The following BMPR1B variants were observed in gnomAD, a reference collection of about 807,000 sequenced individuals.
BMPR1B encodes the protein bone morphogenetic protein receptor type 1B.
Under a neutral mutation model 59.1 loss-of-function variants are expected in BMPR1B, and 12 were observed. That is an observed-to-expected ratio of 0.20 (90% confidence interval 0.13 to 0.33). The LOEUF (loss-of-function observed/expected upper bound fraction) is 0.33, where lower values mean the gene tolerates loss of function less well. Among genes scored for constraint, BMPR1B ranks in the 10% least tolerant of loss-of-function variants. BMPR1B has a pLI of 1.00. For missense variants in BMPR1B, 550 were observed against 610.9 expected (o/e 0.90, Z 1.05); for synonymous variants, 237 against 207.3 (o/e 1.14, Z -1.23).
intron 2 of BMPR1B, among the ~76,000 whole-genome samples, chr4:94,914,420 A>G (rs550251281): frequency 6.6e-6 from 1 of 152,288 alleles, no homozygotes; most frequent in East Asian, 1.9e-4. Flanking sequence ...ATAAACAAGG[A>G]TGAAAGAGTA....
chr4:94,868,882 G>C (rs1259634052), intron 1 of BMPR1B, among the ~76,000 whole-genome samples: 1 of 152,128 alleles, frequency 6.6e-6, no homozygotes, highest in Admixed American at 6.5e-5. Context: ...CTTGAATGTT[G>C]TAGCTTAATT....
At chr4:94,987,108 TA>T (rs1721462747) in intron 2 of BMPR1B, among the ~76,000 whole-genome samples, 1 of 143,830 alleles carries the variant, frequency 7.0e-6, no homozygotes, top group African/African-American at 2.6e-5. Flanking sequence ...ACTATATATG[TA>T]TATATAATAT....
At chr4:94,917,272 A>AG (rs1183007829) in intron 2 of BMPR1B, among the ~76,000 whole-genome samples, 1 of 152,184 alleles carries the variant, frequency 6.6e-6, no homozygotes, top group Non-Finnish European at 1.5e-5. Flanking sequence ...GACTGTAAGA[A>AG]GGGGGCTGCT....
At chr4:94,807,154 G>C (rs1723636209) in intron 1 of BMPR1B, among the ~76,000 whole-genome samples, 1 of 152,090 alleles carries the variant, frequency 6.6e-6, no homozygotes, top group Non-Finnish European at 1.5e-5. Context: ...GAGTGCAGTG[G>C]TGTGATCTCT....
intron 2 of BMPR1B, among the ~76,000 whole-genome samples, chr4:94,910,006 T>G (rs1728212224): frequency 6.6e-6 from 1 of 152,038 alleles, no homozygotes; most frequent in Non-Finnish European, 1.5e-5. Context: ...AGCTTTCTTG[T>G]AATATTTAAG....
rs199589534 is a variant in BMPR1B, at chr4:95,127,313, AAAAT to A, written c.585+2197_585+2200del. 4.7e-4 allele frequency among the ~76,000 whole-genome samples: 71 copies of A among 152,158 alleles called. 1 individual carries two copies. The East Asian group carries it at 6.9e-3, about 15-fold the overall frequency. On this transcript the variant is annotated intron_variant, in intron 8 of 12. Coordinates refer to ENST00000515059, the MANE Select transcript of BMPR1B (RefSeq NM_001203.3). ...ACATTTGCTAAATCAAATAAAAACTAAAATAAATCAGTTAAAAAATTTTGAAGTT... is the reference window on the plus strand; with the variant it reads ...ACATTTGCTAAATCAAATAAAAACTAAAATCAGTTAAAAAATTTTGAAGTT...
chr4:95,006,144 G>A (rs559275333), intron 3 of BMPR1B, among the ~76,000 whole-genome samples: 7 of 151,934 alleles, frequency 4.6e-5, no homozygotes, highest in East Asian at 3.9e-4. Context: ...GGTGGTAGGC[G>A]CCTGTAATCC....
rs1242288625 is a variant in BMPR1B at position 95,030,329 on chromosome 4, C to A, written c.-18+34195C>A. ...GGAAGGGATCCAGTTTCAGCTTTCTCCATATGGCTAGCCAGTTTTCCCAGC... is the reference window on the plus strand; with the variant it reads ...GGAAGGGATCCAGTTTCAGCTTTCTACATATGGCTAGCCAGTTTTCCCAGC... On this transcript the variant is annotated intron_variant, in intron 3 of 12. Coordinates refer to ENST00000515059, the MANE Select transcript of BMPR1B (RefSeq NM_001203.3). Among the ~76,000 whole-genome samples, 8 of 152,002 alleles carry A rather than the reference C, an allele frequency of 5.3e-5. No individual in the cohort carries two copies. The South Asian group carries it at 1.7e-3, about 32-fold the overall frequency.
Position 95,154,258 on chromosome 4 carries a change from G to T in BMPR1B, c.1384-290G>T, listed in dbSNP as rs552446490. Among the ~76,000 whole-genome samples, 3 of 152,288 alleles carry T rather than the reference G, an allele frequency of 2.0e-5. No individual in the cohort carries two copies. In the South Asian group the frequency reaches 6.2e-4, roughly 32 times the overall value. On this transcript the variant is annotated intron_variant, in intron 12 of 12. Coordinates refer to ENST00000515059, the MANE Select transcript of BMPR1B (RefSeq NM_001203.3). ...ATAAACAATCTGGGAGTATTGAGTG[G>T]AATACAGACTCCCTGGGTATTTTTA...
At chr4:94,977,675 A>T (rs184468918) in intron 2 of BMPR1B, among the ~76,000 whole-genome samples, 155 of 152,062 alleles carry the variant, frequency 1.0e-3, no homozygotes, top group African/African-American at 3.4e-3. Context: ...TGGCCAACAT[A>T]GTGAAACCTT....
chr4:95,022,437 T>C (rs1724058017), intron 3 of BMPR1B, among the ~76,000 whole-genome samples: 1 of 152,204 alleles, frequency 6.6e-6, no homozygotes. Flanking sequence ...TTTTGAATGA[T>C]AGTAGAAATC....
intron 2 of BMPR1B, among the ~76,000 whole-genome samples, chr4:94,907,240 A>G (rs141150164): frequency 0.016 from 2,414 of 152,190 alleles, 63 homozygotes; most frequent in African/African-American, 0.054. Flanking sequence ...GGCATTGACT[A>G]TACCATAAAC....
At chr4:94,847,019 G>A (rs1725362890) in intron 1 of BMPR1B, among the ~76,000 whole-genome samples, 1 of 152,090 alleles carries the variant, frequency 6.6e-6, no homozygotes, top group South Asian at 2.1e-4. Context: ...ACAAACCACA[G>A]AATGGGAGAA....
chr4:94,874,114 C>A (rs139635607), intron 1 of BMPR1B, among the ~76,000 whole-genome samples: 5 of 152,152 alleles, frequency 3.3e-5, no homozygotes, highest in Non-Finnish European at 7.3e-5. Flanking sequence ...CTTCTTAAGG[C>A]TAAATATTTT....
chr4:94,833,441 A>G (rs1324041527), intron 1 of BMPR1B, among the ~76,000 whole-genome samples: 1 of 151,968 alleles, frequency 6.6e-6, no homozygotes, highest in Non-Finnish European at 1.5e-5. Context: ...TGTTTTCCAC[A>G]CTTTTTTCTT....
intron 7 of BMPR1B, 90 bp from the exon 8 acceptor site, chr4:95,124,892 TA>T: frequency 7.9e-7 from 1 of 1,262,906 alleles, no homozygotes; most frequent in Non-Finnish European, 1.1e-6. Context: ...GGTGCTAAAA[TA>T]AAACTGCTGT....
At chr4:94,944,657 A>G (rs916877364) in intron 2 of BMPR1B, among the ~76,000 whole-genome samples, 4 of 152,148 alleles carry the variant, frequency 2.6e-5, no homozygotes, top group Admixed American at 6.6e-5. Flanking sequence ...TGATGTTTAT[A>G]CTTTTTGGTT....
At chr4:94,955,901 T>G (rs1730125031) in intron 2 of BMPR1B, among the ~76,000 whole-genome samples, 1 of 152,092 alleles carries the variant, frequency 6.6e-6, no homozygotes, top group Non-Finnish European at 1.5e-5. Context: ...AGTGCTGGGA[T>G]TACTACAGGC....
rs1312327748 is a variant in BMPR1B at position 95,154,565 on chromosome 4, A to G, written c.1401A>G (p.Gly467=). ...TTCCTCAGTGTCTAAGGCAGATGGG[A>G]AAACTCATGACAGAATGCTGGGCTC... ...WSSDECLRQM[G]KLMTECWAHN... Residue 467 remains glycine, a synonymous_variant, in exon 13 of 13, where the codon GGA becomes GGG. Coordinates refer to ENST00000515059, the MANE Select transcript of BMPR1B (RefSeq NM_001203.3). The G allele has an allele frequency of 1.9e-6, 3 of 1,614,166 alleles. No individual in the cohort carries two copies. The highest frequency in any genetic ancestry group is 1.3e-5 in the African/African-American group (1 of 75,052).
Sources: gnomAD v4.1 joint callset for allele counts (sites outside exome capture counted in the v4.1 genomes callset) on GRCh38, gnomAD v4.1.1 for gene constraint, MANE v1.5 for transcripts, NCBI Gene and HGNC (gene_info 2026-07-23, HGNC 2026-07-21) for gene names.